Variants in PCDHA6 observed in about 807,000 individuals in gnomAD.
PCDHA6 encodes the protein protocadherin alpha 6.
PCDHA6 carries 55 observed loss-of-function variants against 60.3 expected under a neutral mutation model. The observed-to-expected ratio is 0.91, with a 90% CI of 0.73 to 1.14. The LOEUF is 1.14. PCDHA6 is among the 50% of genes most tolerant of loss of function. The probability of loss-of-function intolerance (pLI) is 0.00; values close to 1 mark genes in which losing one functional copy is unlikely to be tolerated. For synonymous variants in PCDHA6, 652 were observed against 557.9 expected (o/e 1.17, Z -2.38); for missense variants, 1,327 against 1,256.5 (o/e 1.06, Z -0.85).
At position 140,976,185 on chromosome 5, in the gene PCDHA6, A is replaced by G. The variant is rs545410193; in HGVS notation, c.2395-2764A>G. Among the ~76,000 whole-genome samples the G allele has an allele frequency of 4.6e-5, 7 of 152,340 alleles. No homozygotes were observed. The South Asian group carries it at 1.2e-3, about 27-fold the overall frequency. ...TTTAGTTTTGTATTGTTTTAAATCAATATCCTGGAAACTCAGAAGTAAAAA... is the reference window on the plus strand; with the variant it reads ...TTTAGTTTTGTATTGTTTTAAATCAGTATCCTGGAAACTCAGAAGTAAAAA... On this transcript the variant is annotated intron_variant, in intron 1 of 3. Coordinates refer to ENST00000529310, the MANE Select transcript of PCDHA6 (RefSeq NM_018909.4).
chr5:140,952,023 C>T (rs183831358), intron 1 of PCDHA6, among the ~76,000 whole-genome samples: 2 of 152,236 alleles, frequency 1.3e-5, no homozygotes, highest in African/African-American at 2.4e-5. Flanking sequence ...CATGCAAGTC[C>T]GAAATCCAGT....
At chr5:141,009,500 A>G (rs2098409925) in intron 3 of PCDHA6, 127 bp from the exon 4 acceptor site, 2 of 1,494,658 alleles carry the variant, frequency 1.3e-6, no homozygotes, top group Non-Finnish European at 1.8e-6. Flanking sequence ...TCAGACTTGA[A>G]CAAACAACTC....
At chr5:140,844,051 C>T (rs1562419039) in intron 1 of PCDHA6, among the ~76,000 whole-genome samples, 1 of 149,544 alleles carries the variant, frequency 6.7e-6, no homozygotes, top group Non-Finnish European at 1.5e-5. Context: ...AGTATTCCCC[C>T]AAAGCGTTTA....
intron 3 of PCDHA6, among the ~76,000 whole-genome samples, chr5:140,984,610 G>A (rs2097110934): frequency 6.6e-6 from 1 of 152,188 alleles, no homozygotes; most frequent in African/African-American, 2.4e-5. Flanking sequence ...CTCTGCATCA[G>A]TGGTGTAAAG....
chr5:140,858,219 C>A (rs1554151292), intron 1 of PCDHA6: 2 of 1,595,768 alleles, frequency 1.3e-6, no homozygotes, highest in Non-Finnish European at 8.6e-7. Flanking sequence ...TGCTCGGCGG[C>A]GCCCACCGAG....
At position 140,856,588 on chromosome 5, in the gene PCDHA6, T is replaced by C. The variant is rs201362862; in HGVS notation, c.2394+26103T>C. The C allele has an allele frequency of 5.2e-5, 83 of 1,597,798 alleles. 1 individual carries two copies. In the East Asian group the frequency reaches 1.3e-3, roughly 25 times the overall value. ...GTCCAAATGAGTATTTTGTTCTTGA[T>C]ATTATAAACAAAAAAGACAAAGACA... On this transcript the variant is annotated intron_variant, in intron 1 of 3. Coordinates refer to ENST00000529310, the MANE Select transcript of PCDHA6 (RefSeq NM_018909.4).
intron 1 of PCDHA6, chr5:140,882,976 T>A: frequency 6.2e-7 from 1 of 1,614,220 alleles, no homozygotes; most frequent in South Asian, 1.1e-5. Context: ...TGGACGTGAA[T>A]GACAACGCCC....
intron 1 of PCDHA6, among the ~76,000 whole-genome samples, chr5:140,973,724 G>T (rs1272606867): frequency 6.6e-6 from 1 of 152,176 alleles, no homozygotes; most frequent in Non-Finnish European, 1.5e-5. Context: ...CATCACATGG[G>T]CATCTGGTCT....
chr5:140,869,828 T>G, intron 1 of PCDHA6: 2 of 1,611,962 alleles, frequency 1.2e-6, no homozygotes, highest in South Asian at 2.2e-5. Context: ...GATCCAGAGT[T>G]TGATAAATCA....
intron 1 of PCDHA6, among the ~76,000 whole-genome samples, chr5:140,895,524 G>A (rs891938988): frequency 2.3e-4 from 35 of 152,128 alleles, no homozygotes; most frequent in African/African-American, 7.2e-4. Context: ...TGGTTTATTC[G>A]TTTTTCAATT....
Position 140,827,965 on chromosome 5 carries a change from TGC to T in PCDHA6, c.-126_-125del. On this transcript the variant is annotated 5_prime_UTR_variant, in exon 1 of 4. Transcript: ENST00000529310. ...CCAACATTCAAATTTCTTCTATTAC[TGC>T]ATCATTCCCTGACTGTTGAATGATG... The T allele has an allele frequency of 7.5e-7, 1 of 1,335,940 alleles. No homozygotes were observed. Among genetic ancestry groups the T allele is most frequent in the South Asian group, 1.4e-5 (1 of 69,782 alleles). 82.8% of individuals were successfully genotyped at this position (1,335,940 alleles called of 1,614,324 possible). A position where few individuals can be genotyped will look rare whatever the true frequency, so the allele number is the denominator to read the frequency against.
intron 3 of PCDHA6, 66 bp from the exon 4 acceptor site, chr5:141,009,561 A>C: frequency 6.4e-7 from 1 of 1,571,278 alleles, no homozygotes; most frequent in Non-Finnish European, 8.6e-7. Context: ...CCTGTACTCT[A>C]CCAGCAGTGT....
intron 1 of PCDHA6, among the ~76,000 whole-genome samples, chr5:140,949,414 C>G (rs887325816): frequency 6.6e-6 from 1 of 151,940 alleles, no homozygotes; most frequent in Non-Finnish European, 1.5e-5. Context: ...CACCTATCAT[C>G]ATTGTGTTTA....
intron 1 of PCDHA6, among the ~76,000 whole-genome samples, chr5:140,976,893 A>G (rs1240555240): frequency 2.0e-5 from 3 of 152,212 alleles, no homozygotes; most frequent in African/African-American, 7.2e-5. Context: ...GATACATGCA[A>G]CAGTATGTAA....
chr5:140,926,106 G>A (rs952874240), intron 1 of PCDHA6, among the ~76,000 whole-genome samples: 9 of 152,176 alleles, frequency 5.9e-5, no homozygotes, highest in African/African-American at 2.2e-4. Flanking sequence ...GGATACAAGA[G>A]GGTGCAGGAC....
chr5:140,849,985 G>A lies in PCDHA6; in HGVS notation c.2394+19500G>A, dbSNP rs2150461572. On this transcript the variant is annotated intron_variant, in intron 1 of 3. Coordinates refer to ENST00000529310, the MANE Select transcript of PCDHA6 (RefSeq NM_018909.4). ...CTGGTGTCCTACTCGCTGGTGGAGC[G>A]GCGGTTGGGCGAGCGCTCGCTGTCG... 42 of 1,597,276 alleles carry A rather than the reference G, an allele frequency of 2.6e-5. No homozygotes were observed. The East Asian group carries it at 9.4e-4, about 36-fold the overall frequency.
chr5:140,849,612 A>C lies in PCDHA6; in HGVS notation c.2394+19127A>C, dbSNP rs2040992184. On this transcript the variant is annotated intron_variant, in intron 1 of 3. Transcript: ENST00000529310. ...ACTGGGGACAGTTATTGCCCTGATT[A>C]GTGTGATCGACCTAGACGCAGATGC... 5 of 1,598,736 alleles carry C rather than the reference A, an allele frequency of 3.1e-6. 2 individuals are homozygous for C. The highest frequency in any genetic ancestry group is 4.3e-6 in the Non-Finnish European group (5 of 1,167,986).
chr5:140,914,317 A>G (rs1016365389), intron 1 of PCDHA6, among the ~76,000 whole-genome samples: 15 of 152,122 alleles, frequency 9.9e-5, no homozygotes, highest in Non-Finnish European at 2.9e-5. Flanking sequence ...CCCCATTATC[A>G]TTGTACAAAG....
In PCDHA6 at chr5:140,830,305, G is replaced by C; in HGVS notation, c.2214G>C (p.Thr738=). The change falls in exon 1 of 4, where the codon ACG becomes ACC. Residue 738 remains threonine, a synonymous_variant. Transcript: ENST00000529310. ...TEGACTADKP[T]LVCSSAVGSW... The stretch of plus-strand genomic sequence containing the variant: ...GCGCGTGCACGGCGGACAAGCCCAC[G>C]CTGGTGTGCTCCAGCGCAGTGGGGA... 6.2e-7 allele frequency: 1 copy of C among 1,613,948 alleles called. No homozygotes were observed. The highest frequency in any genetic ancestry group is 8.5e-7 in the Non-Finnish European group (1 of 1,179,902).
Sources: allele counts gnomAD v4.1 joint callset (sites outside exome capture counted in the v4.1 genomes callset), GRCh38; gene constraint gnomAD v4.1.1; transcripts MANE v1.5; gene names NCBI Gene and HGNC (gene_info 2026-07-23, HGNC 2026-07-21).